The following PBX1 variants were observed in gnomAD, a reference collection of about 807,000 sequenced individuals.
PBX1 encodes PBX homeobox 1, also known as pre-B-cell leukemia transcription factor 1.
Under a neutral mutation model 53.4 loss-of-function variants are expected in PBX1, and 6 were observed. The observed-to-expected ratio is 0.11, with a 90% confidence interval of 0.06 to 0.22. PBX1 has a LOEUF of 0.22. Ranked by LOEUF, PBX1 falls within the 10% of genes least tolerant of loss-of-function variation. The pLI is 1.00. For missense variants in PBX1, 251 were observed against 551.4 expected (o/e 0.46, Z 5.46); for synonymous variants, 204 against 212.3 (o/e 0.96, Z 0.34).
At chr1:164,577,262 T>C (rs1654318292) in intron 2 of PBX1, among the ~76,000 whole-genome samples, 1 of 152,146 alleles carries the variant, frequency 6.6e-6, no homozygotes, top group South Asian at 2.1e-4. Flanking sequence ...AGCACTGACA[T>C]TTGTTTTCCT....
intron 2 of PBX1, among the ~76,000 whole-genome samples, chr1:164,766,036 ACT>A (rs879829085): frequency 2.6e-5 from 4 of 152,180 alleles, no homozygotes; most frequent in African/African-American, 7.2e-5. Context: ...TGGATGGGTA[ACT>A]CTCATTTGGC....
intron 2 of PBX1, among the ~76,000 whole-genome samples, chr1:164,663,248 T>TCCTGCCTGCCTGCCTG (rs58476519): frequency 5.5e-5 from 8 of 144,296 alleles, no homozygotes; most frequent in Admixed American, 4.8e-4. Flanking sequence ...CTTCCTGCCT[T>TCCTGCCTGCCTGCCTG]CCTGCCTGCC....
At position 164,846,701 on chromosome 1, in the gene PBX1, G is replaced by T; in HGVS notation, c.*25G>T. ...ATCTCCCAGCAATCGCATCCCGGCT[G>T]ACCCTGTGCCCCAGTTGGGGCAGGG... On this transcript the variant is annotated 3_prime_UTR_variant, in exon 9 of 9. Transcript: ENST00000420696. The T allele has an allele frequency of 6.2e-7, 1 of 1,614,018 alleles. No homozygotes were observed.
At chr1:164,583,986 A>G (rs1176847922) in intron 2 of PBX1, among the ~76,000 whole-genome samples, 1 of 152,174 alleles carries the variant, frequency 6.6e-6, no homozygotes, top group African/African-American at 2.4e-5. Flanking sequence ...GTTTTCTCCA[A>G]GATTGCAAGC....
intron 2 of PBX1, among the ~76,000 whole-genome samples, chr1:164,570,439 A>G (rs1342723008): frequency 6.6e-6 from 1 of 151,854 alleles, no homozygotes; most frequent in African/African-American, 2.4e-5. Flanking sequence ...ACTCCCATTT[A>G]TGAGTGAGAA....
intron 2 of PBX1, among the ~76,000 whole-genome samples, chr1:164,787,912 G>A (rs531380524): frequency 2.6e-5 from 4 of 152,196 alleles, no homozygotes; most frequent in Non-Finnish European, 4.4e-5. Flanking sequence ...CTTCATGGGC[G>A]CAACCCCTCT....
chr1:164,590,345 C>G (rs1473585360), intron 2 of PBX1: 1 of 455,856 alleles, frequency 2.2e-6, no homozygotes, highest in African/African-American at 2.0e-5. Flanking sequence ...ACAGGGCTCT[C>G]CTGCATGCTC....
chr1:164,661,802 T>A (rs182719266), intron 2 of PBX1, among the ~76,000 whole-genome samples: 2 of 152,308 alleles, frequency 1.3e-5, no homozygotes, highest in East Asian at 3.9e-4. Flanking sequence ...CGTTATCACC[T>A]CATTGGAAGT....
intron 2 of PBX1, among the ~76,000 whole-genome samples, chr1:164,597,097 G>A (rs1655819040): frequency 6.6e-6 from 1 of 152,178 alleles, no homozygotes; most frequent in South Asian, 2.1e-4. Context: ...TGGACTTCTT[G>A]TTGGTTTTCT....
In PBX1 at chr1:164,695,551, T is replaced by C. The variant is rs1022665051; in HGVS notation, c.266-96943T>C. ...TTGCCTGAGTATCCTGACCCAGTTC[T>C]AGATATTCCTCTTCCTTTGTATCCA... On this transcript the variant is annotated intron_variant, in intron 2 of 8. Coordinates refer to ENST00000420696, the MANE Select transcript of PBX1 (RefSeq NM_002585.4). Among the ~76,000 whole-genome samples, 4 of 152,356 alleles carry C rather than the reference T, an allele frequency of 2.6e-5. No individual in the cohort carries two copies. In the East Asian group the frequency reaches 7.7e-4, roughly 29 times the overall value.
At chr1:164,859,972 AGATT>A (rs1672060721) in intron 2 of PBX1, among the ~76,000 whole-genome samples, 1 of 152,358 alleles carries the variant, frequency 6.6e-6, no homozygotes, top group East Asian at 1.9e-4. Flanking sequence ...GAACAGATGT[AGATT>A]AAAATTTTAA....
rs774138396 is a variant in PBX1, at chr1:164,821,527, A to G, written c.1111-10A>G. On this transcript the variant is annotated splice_polypyrimidine_tract_variant and intron_variant, in intron 7 of 8. Transcript: ENST00000420696. Reference sequence around the variant, plus strand: ...ACTAATTTTCTCTCTGTTATTGTTCATCTGTTTAGGTGGATACCCTTCGCC... The same window carrying G: ...ACTAATTTTCTCTCTGTTATTGTTCGTCTGTTTAGGTGGATACCCTTCGCC... 3 of 1,608,554 alleles carry G rather than the reference A, an allele frequency of 1.9e-6. No homozygotes were observed. Among genetic ancestry groups the G allele is most frequent in the Non-Finnish European group, 2.6e-6 (3 of 1,175,026 alleles).
At chr1:164,826,392 TTTTGTTTG>T (rs933549179) in intron 8 of PBX1, among the ~76,000 whole-genome samples, 1 of 152,082 alleles carries the variant, frequency 6.6e-6, no homozygotes, top group Non-Finnish European at 1.5e-5. Flanking sequence ...GGTAAACCTT[TTTTGTTTG>T]TTTGTTTGTT....
intron 2 of PBX1, among the ~76,000 whole-genome samples, chr1:164,720,813 A>G (rs576968324): frequency 5.3e-5 from 8 of 152,286 alleles, no homozygotes; most frequent in Admixed American, 2.6e-4. Context: ...GAGGTGTCCA[A>G]TGGAACATTG....
rs1258633471 is a variant in PBX1, at chr1:164,848,881, G to T, written c.*2205G>T. On this transcript the variant is annotated 3_prime_UTR_variant, in exon 9 of 9. Coordinates refer to ENST00000420696, the MANE Select transcript of PBX1 (RefSeq NM_002585.4). ...TGCCACTGAAGAAACTCAAGGGAAT[G>T]TGTATTTGAAGGAAATGCAAAAACT... The T allele has an allele frequency of 9.4e-7, 1 of 1,067,176 alleles. No homozygotes were observed. Among genetic ancestry groups the T allele is most frequent in the Admixed American group, 5.3e-5 (1 of 18,808 alleles). The allele number at this position is 1,067,176 out of a possible 1,614,324, so 66.1% of individuals were successfully genotyped here.
chr1:164,597,252 T>G (rs1355323061), intron 2 of PBX1, among the ~76,000 whole-genome samples: 1 of 152,234 alleles, frequency 6.6e-6, no homozygotes, highest in Admixed American at 6.5e-5. Context: ...TCAGCCAGGA[T>G]GGGTTTATGT....
At position 164,846,958 on chromosome 1, in the gene PBX1, A is replaced by G; in HGVS notation, c.*282A>G. On this transcript the variant is annotated 3_prime_UTR_variant, in exon 9 of 9. Transcript: ENST00000420696. ...TTCCCTGCCCCTGTGCCTCTGTCCT[A>G]GACTCCCGGGGTCCCCGCCCTCTCT... 1 of 1,287,434 alleles carries G rather than the reference A, an allele frequency of 7.8e-7. No homozygotes were observed. Among genetic ancestry groups the G allele is most frequent in the Non-Finnish European group, 9.9e-7 (1 of 1,012,274 alleles). 79.8% of individuals were successfully genotyped at this position (1,287,434 alleles called of 1,614,324 possible).
chr1:164,807,445 A>C, intron 4 of PBX1, 97 bp from the exon 5 acceptor site: 12 of 1,467,220 alleles, frequency 8.2e-6, no homozygotes, highest in African/African-American at 1.4e-5. Context: ...CCTTTTGCTC[A>C]AAAATTTGTC....
At chr1:164,618,562 T>C (rs1195661646) in intron 2 of PBX1, among the ~76,000 whole-genome samples, 1 of 152,242 alleles carries the variant, frequency 6.6e-6, no homozygotes, top group African/African-American at 2.4e-5. Context: ...AAGTGAATAA[T>C]CTTTATGCTC....
Sources: allele counts gnomAD v4.1 joint callset (sites outside exome capture counted in the v4.1 genomes callset), GRCh38; gene constraint gnomAD v4.1.1; transcripts MANE v1.5; gene names NCBI Gene and HGNC (gene_info 2026-07-23, HGNC 2026-07-21).